Variants in GSTCD observed in about 807,000 individuals in gnomAD.
GSTCD encodes glutathione S-transferase C-terminal domain containing.
GSTCD carries 44 observed loss-of-function variants against 68.3 expected under a neutral mutation model. That is an observed-to-expected ratio of 0.64 (90% confidence interval 0.51 to 0.83). The LOEUF is 0.83. Among genes scored for constraint, GSTCD ranks in the 40% least tolerant of loss-of-function variants. The pLI is 0.00. For synonymous variants in GSTCD, 273 were observed against 255.2 expected (o/e 1.07, Z -0.67); for missense variants, 739 against 735.9 (o/e 1.00, Z -0.05).
chr4:105,750,562 C>T (rs1222103036), intron 5 of GSTCD, among the ~76,000 whole-genome samples: 1 of 151,356 alleles, frequency 6.6e-6, no homozygotes, highest in East Asian at 1.9e-4. Flanking sequence ...TAAAATGGTA[C>T]AGCCACTCTA....
chr4:105,726,781 G>A lies in GSTCD; in HGVS notation c.1097G>A (p.Ser366Asn). 1 of 1,613,644 alleles carries A rather than the reference G, an allele frequency of 6.2e-7. No homozygotes were observed. The highest frequency in any genetic ancestry group is 8.5e-7 in the Non-Finnish European group (1 of 1,179,714). ...GAAGTCCCAGGTGTAGAAGAGCAAA[G>A]CGATCCTTTATTTATAGGAGGACCA... is the stretch of plus-strand genomic sequence containing the variant. ...LCEVPGVEEQ[S>N]DPLFIGGPRP... Residue 366 changes from serine (S) to asparagine (N), a missense_variant, in exon 4 of 12, where the codon AGC (serine) becomes AAC (asparagine). Transcript: ENST00000515279.
At chr4:105,813,935 T>G (rs893043044) in intron 5 of GSTCD, among the ~76,000 whole-genome samples, 2 of 152,186 alleles carry the variant, frequency 1.3e-5, no homozygotes, top group African/African-American at 4.8e-5. Context: ...AATGTAAACA[T>G]CACTCTTGTT....
intron 3 of GSTCD, among the ~76,000 whole-genome samples, chr4:105,724,629 CA>C (rs938368018): frequency 1.7e-4 from 24 of 144,620 alleles, no homozygotes; most frequent in African/African-American, 5.4e-4. Context: ...TTCACAAACA[CA>C]AAAAAATGGA....
intron 9 of GSTCD, among the ~76,000 whole-genome samples, chr4:105,837,587 T>A (rs752315534): frequency 2.4e-4 from 36 of 152,284 alleles, no homozygotes; most frequent in Admixed American, 8.5e-4. Flanking sequence ...AACACCTGGA[T>A]CTTAGTGTTC....
intron 5 of GSTCD, among the ~76,000 whole-genome samples, chr4:105,806,333 A>G (rs931885309): frequency 9.9e-5 from 15 of 152,100 alleles, no homozygotes; most frequent in Admixed American, 2.0e-4. Flanking sequence ...GCAGACCTTT[A>G]TATAGTTTTC....
intron 5 of GSTCD, among the ~76,000 whole-genome samples, chr4:105,746,626 A>G (rs951550104): frequency 6.6e-6 from 1 of 152,044 alleles, no homozygotes. Flanking sequence ...GGAAGTATGA[A>G]TTTTTTTAAT....
In GSTCD at chr4:105,719,058, A is replaced by G; in HGVS notation, c.427-2A>G. On this transcript the variant is annotated splice_acceptor_variant, in intron 2 of 11. Transcript: ENST00000515279. LOFTEE classifies it high-confidence loss of function. ...ATTTCTTGTTTTGTTTTTGTTTTGT[A>G]GGTTAGTCAGTGGACCAGGCTATGT... 6.3e-7 allele frequency: 1 copy of G among 1,577,378 alleles called. No individual in the cohort carries two copies. Among genetic ancestry groups the G allele is most frequent in the Non-Finnish European group, 8.6e-7 (1 of 1,163,810 alleles).
chr4:105,825,135 T>TTG (rs1560848887), intron 7 of GSTCD, among the ~76,000 whole-genome samples: 27 of 149,128 alleles, frequency 1.8e-4, no homozygotes, highest in African/African-American at 6.3e-4. Flanking sequence ...TTGGTTGGTT[T>TTG]GTTTGTTTGT....
chr4:105,789,632 A>G (rs1198889564), intron 5 of GSTCD, among the ~76,000 whole-genome samples: 1 of 152,002 alleles, frequency 6.6e-6, no homozygotes, highest in Non-Finnish European at 1.5e-5. Flanking sequence ...CAAAGAGGGA[A>G]TTCACAGTCT....
At chr4:105,802,602 G>T (rs1275872412) in intron 5 of GSTCD, among the ~76,000 whole-genome samples, 1 of 151,646 alleles carries the variant, frequency 6.6e-6, no homozygotes, top group South Asian at 2.1e-4. Flanking sequence ...ATATATTCTG[G>T]TCTTGTCTTC....
At chr4:105,712,772 C>CT (rs1264012186) in intron 1 of GSTCD, among the ~76,000 whole-genome samples, 1 of 152,074 alleles carries the variant, frequency 6.6e-6, no homozygotes, top group Non-Finnish European at 1.5e-5. Flanking sequence ...TTGAGTGGGA[C>CT]TTTTGAGTTT....
At chr4:105,712,411 G>C (rs533639601) in intron 1 of GSTCD, 9 of 152,374 alleles carry the variant, frequency 5.9e-5, no homozygotes, top group Non-Finnish European at 2.9e-5. Flanking sequence ...GCTATGGCTG[G>C]AAGGGAGTGA....
At chr4:105,827,594 C>T (rs767201757) in intron 8 of GSTCD, among the ~76,000 whole-genome samples, 1 of 151,978 alleles carries the variant, frequency 6.6e-6, no homozygotes, top group African/African-American at 2.4e-5. Context: ...GTAAATTAGA[C>T]TAAATGCATC....
chr4:105,802,129 A>G (rs1736127546), intron 5 of GSTCD, among the ~76,000 whole-genome samples: 1 of 152,278 alleles, frequency 6.6e-6, no homozygotes, highest in South Asian at 2.1e-4. Context: ...TACAGTATAT[A>G]AAAACTACTT....
chr4:105,710,105 A>T, intron 1 of GSTCD, among the ~76,000 whole-genome samples: 1 of 152,030 alleles, frequency 6.6e-6, no homozygotes, highest in Non-Finnish European at 1.5e-5. Flanking sequence ...CAAAAATAAG[A>T]CTGAAAAGGT....
intron 5 of GSTCD, among the ~76,000 whole-genome samples, chr4:105,757,749 A>G (rs1318299829): frequency 6.6e-6 from 1 of 152,152 alleles, no homozygotes; most frequent in Non-Finnish European, 1.5e-5. Flanking sequence ...ATTGTACCCA[A>G]CCTATTTCAC....
At chr4:105,763,768 CTT>C (rs925289648) in intron 5 of GSTCD, among the ~76,000 whole-genome samples, 5 of 152,212 alleles carry the variant, frequency 3.3e-5, no homozygotes, top group African/African-American at 1.2e-4. Flanking sequence ...AATTTGTACT[CTT>C]TTGAGTTTTC....
At chr4:105,737,377 T>C (rs1277137678) in intron 5 of GSTCD, among the ~76,000 whole-genome samples, 2 of 152,248 alleles carry the variant, frequency 1.3e-5, no homozygotes, top group African/African-American at 4.8e-5. Flanking sequence ...GTATTCAGGA[T>C]ATTAATCTTT....
intron 7 of GSTCD, among the ~76,000 whole-genome samples, chr4:105,825,291 G>A (rs1002347800): frequency 5.3e-5 from 8 of 151,976 alleles, no homozygotes; most frequent in African/African-American, 1.2e-4. Context: ...TACTATGCCC[G>A]GCTAATTTTT....
Sources: allele counts gnomAD v4.1 joint callset (sites outside exome capture counted in the v4.1 genomes callset), GRCh38; gene constraint gnomAD v4.1.1; transcripts MANE v1.5; gene names NCBI Gene and HGNC (gene_info 2026-07-23, HGNC 2026-07-21).